The following UNC5B variants were observed in gnomAD, a reference collection of about 807,000 sequenced individuals.
The protein encoded by UNC5B is netrin receptor UNC5B.
Under a neutral mutation model 103.7 loss-of-function variants are expected in UNC5B, and 56 were observed. The observed-to-expected ratio is 0.54, with a 90% CI of 0.44 to 0.67. The LOEUF is 0.67. Among genes scored for constraint, UNC5B ranks in the 30% least tolerant of loss-of-function variants. The pLI is 0.00. For synonymous variants in UNC5B, 577 were observed against 542.0 expected, an observed-to-expected ratio of 1.06 and a Z score of -0.90; for missense variants, 1,194 against 1,284.5, an observed-to-expected ratio of 0.93 and a Z score of 1.08.
At chr10:71,284,925 G>A (rs992479503) in intron 3 of UNC5B, 62 bp downstream of exon 3, 1 of 1,527,176 alleles carries the variant, frequency 6.5e-7, no homozygotes, top group African/African-American at 1.4e-5. Flanking sequence ...GAGGATGCTG[G>A]AGAGGGAACT....
At chr10:71,288,780 A>G (rs970300512) in intron 7 of UNC5B, 48 bp downstream of exon 7, 1 of 1,559,678 alleles carries the variant, frequency 6.4e-7, no homozygotes, top group Admixed American at 1.9e-5. Flanking sequence ...CTCTGGAGCC[A>G]TGTAAGGGTC....
At chr10:71,216,194 T>C (rs1390353448) in intron 1 of UNC5B, among the ~76,000 whole-genome samples, 1 of 152,196 alleles carries the variant, frequency 6.6e-6, no homozygotes, top group Non-Finnish European at 1.5e-5. Context: ...AACCTCAATC[T>C]AGTGCTTCTA....
At position 71,298,200 on chromosome 10, in the gene UNC5B, C is replaced by T. The variant is rs982743222; in HGVS notation, c.2672+110C>T. Reference sequence around the variant, plus strand: ...CCACGACCATCTCCCAGACCAGCTGCCCTTTTGCCACCATTTGTGGCAAAT... The same window carrying T: ...CCACGACCATCTCCCAGACCAGCTGTCCTTTTGCCACCATTTGTGGCAAAT... On this transcript the variant is annotated intron_variant, in intron 16 of 16. Coordinates refer to ENST00000335350, the MANE Select transcript of UNC5B (RefSeq NM_170744.5). 10 of 1,307,950 alleles carry T rather than the reference C, an allele frequency of 7.6e-6. No homozygotes were observed. The African/African-American group carries it at 1.3e-4, about 18-fold the overall frequency. The allele number at this position is 1,307,950 out of a possible 1,614,324, so 81.0% of individuals were successfully genotyped here. A position where few individuals can be genotyped will look rare whatever the true frequency, so the allele number is the denominator to read the frequency against.
chr10:71,291,357 G>T, intron 9 of UNC5B, 75 bp from the exon 10 acceptor site: 1 of 1,521,220 alleles, frequency 6.6e-7, no homozygotes, highest in Non-Finnish European at 8.8e-7. Context: ...GGACATTTGG[G>T]TGGGATTTTG....
Position 71,292,469 on chromosome 10 carries a change from G to A in UNC5B, c.1687G>A (p.Val563Ile), listed in dbSNP as rs759001409. 1 of 1,592,846 alleles carries A rather than the reference G, an allele frequency of 6.3e-7. No individual in the cohort carries two copies. Among genetic ancestry groups the A allele is most frequent in the Non-Finnish European group, 8.6e-7 (1 of 1,169,176 alleles). ...GGRLSIPGTG[V>I]SLLVPNGAIP... ...TGCTGACTTCCCTCTCCCCCTAGGG[G>A]TCAGCTTGCTGGTGCCCAATGGAGC... Residue 563 changes from valine to isoleucine, a missense_variant and splice_region_variant, in exon 11 of 17, where the codon GTC (valine) becomes ATC (isoleucine). Val to Ile is a conservative substitution (Grantham distance 29). Transcript: ENST00000335350.
chr10:71,265,676 G>A (rs760333151), intron 1 of UNC5B, among the ~76,000 whole-genome samples: 4 of 152,186 alleles, frequency 2.6e-5, no homozygotes, highest in Non-Finnish European at 4.4e-5. Context: ...GGCCTCAGGG[G>A]AGCCGTGCGC....
At position 71,296,711 on chromosome 10, in the gene UNC5B, AGATATT is replaced by A. The variant is rs1564515931; in HGVS notation, c.2460_2465del (p.Gln820_Phe822delinsHis). 4 of 1,613,990 alleles carry A rather than the reference AGATATT, an allele frequency of 2.5e-6. No homozygotes were observed. In the South Asian group the frequency reaches 4.4e-5, roughly 18 times the overall value. On this transcript the variant is annotated inframe_deletion, in exon 15 of 17. Coordinates refer to ENST00000335350, the MANE Select transcript of UNC5B (RefSeq NM_170744.5). The stretch of plus-strand genomic sequence containing the variant: ...GTGCGGCAAGTGGAAGGGGAGGGCC[AGATATT>A]CCAGCTGCATACCACTCTGGCAGAG...
intron 1 of UNC5B, among the ~76,000 whole-genome samples, chr10:71,234,971 TCTC>T (rs1843746958): frequency 6.6e-6 from 1 of 152,072 alleles, no homozygotes; most frequent in Non-Finnish European, 1.5e-5. Context: ...TTCCCACTGG[TCTC>T]CTGGCCCAGA....
intron 1 of UNC5B, among the ~76,000 whole-genome samples, chr10:71,270,362 GGGA>G: frequency 7.3e-6 from 1 of 137,650 alleles, no homozygotes. Context: ...GAGGGAGGGA[GGGA>G]GGGAGGGTGG....
At chr10:71,248,277 T>C (rs75553557) in intron 1 of UNC5B, among the ~76,000 whole-genome samples, 1,997 of 152,232 alleles carry the variant, frequency 0.013, 38 homozygotes, top group African/African-American at 0.041. Flanking sequence ...GCCTTGCCTC[T>C]GGCCTTGGCA....
rs1213096018 is a variant in UNC5B at position 71,291,672 on chromosome 10, C to G, written c.1535C>G (p.Pro512Arg). Residue 512 changes from proline to arginine, a missense_variant, in exon 10 of 17, where the codon CCT becomes CGT. By Grantham distance (103) the Pro-to-Arg change is moderately radical (BLOSUM62 -2). Coordinates refer to ENST00000335350, the MANE Select transcript of UNC5B (RefSeq NM_170744.5). ...LLGVLPPGTY[P>R]SDFARDTHFL... The stretch of plus-strand genomic sequence containing the variant: ...GGGGTCTTGCCGCCTGGCACATACC[C>G]TAGCGATTTCGCCCGGGACACCCAC... 4.3e-6 allele frequency: 7 copies of G among 1,613,638 alleles called. No homozygotes were observed. The highest frequency in any genetic ancestry group is 5.9e-6 in the Non-Finnish European group (7 of 1,180,058).
Position 71,268,759 on chromosome 10 carries a change from T to C in UNC5B, c.80-11062T>C, listed in dbSNP as rs572080725. On this transcript the variant is annotated intron_variant, in intron 1 of 16. Transcript: ENST00000335350. ...CTGGGCTTTCAGGGCGGCATGGGGATGTAAGCACTGTCCTGTCTGGCCTCG... is the reference window on the plus strand; with the variant it reads ...CTGGGCTTTCAGGGCGGCATGGGGACGTAAGCACTGTCCTGTCTGGCCTCG... Among the ~76,000 whole-genome samples, 15 of 152,290 alleles carry C rather than the reference T, an allele frequency of 9.8e-5. 1 individual carries two copies. Among genetic ancestry groups the C allele is most frequent in the African/African-American group, 3.6e-4 (15 of 41,562 alleles).
chr10:71,259,787 T>C (rs965210617), intron 1 of UNC5B, among the ~76,000 whole-genome samples: 1 of 152,192 alleles, frequency 6.6e-6, no homozygotes, highest in Non-Finnish European at 1.5e-5. Flanking sequence ...AGCTCAGCCA[T>C]AGCCAGGCTC....
At chr10:71,237,608 C>T (rs968828345) in intron 1 of UNC5B, among the ~76,000 whole-genome samples, 2 of 152,128 alleles carry the variant, frequency 1.3e-5, no homozygotes, top group African/African-American at 4.8e-5. Flanking sequence ...ATCCTGAGTG[C>T]ATTAACTATT....
At chr10:71,261,351 C>T (rs1844413162) in intron 1 of UNC5B, among the ~76,000 whole-genome samples, 1 of 152,202 alleles carries the variant, frequency 6.6e-6, no homozygotes, top group African/African-American at 2.4e-5. Flanking sequence ...ATGCTTGCCA[C>T]AGCCTCAGGA....
At chr10:71,248,660 C>T (rs1844098837) in intron 1 of UNC5B, among the ~76,000 whole-genome samples, 1 of 152,224 alleles carries the variant, frequency 6.6e-6, no homozygotes, top group East Asian at 1.9e-4. Context: ...TTAAGAATCT[C>T]ATCATTTTTC....
At chr10:71,220,807 G>C (rs1394842067) in intron 1 of UNC5B, among the ~76,000 whole-genome samples, 10 of 152,190 alleles carry the variant, frequency 6.6e-5, no homozygotes, top group Non-Finnish European at 2.9e-5. Flanking sequence ...GGGAGTGAAA[G>C]CTGGGAGGTC....
chr10:71,293,595 T>G, intron 12 of UNC5B, 22 bp downstream of exon 12: 1 of 1,613,418 alleles, frequency 6.2e-7, no homozygotes, highest in Non-Finnish European at 8.5e-7. Flanking sequence ...CGGTGAAGGC[T>G]GGCCCAGCTC....
chr10:71,238,497 T>C (rs1271452095), intron 1 of UNC5B, among the ~76,000 whole-genome samples: 1 of 152,196 alleles, frequency 6.6e-6, no homozygotes, highest in Non-Finnish European at 1.5e-5. Context: ...TATTTTTTTT[T>C]AGTCTCACTC....
Sources: allele counts gnomAD v4.1 joint callset (sites outside exome capture counted in the v4.1 genomes callset), GRCh38; gene constraint gnomAD v4.1.1; transcripts MANE v1.5; gene names NCBI Gene and HGNC (gene_info 2026-07-23, HGNC 2026-07-21).